The following RC3H2 variants were observed in gnomAD, a reference collection of about 807,000 sequenced individuals.
RC3H2 encodes the protein ring finger and CCCH-type domains 2.
RC3H2 carries 31 observed loss-of-function variants against 133.3 expected under a neutral mutation model. The observed-to-expected ratio is 0.23, with a 90% CI of 0.17 to 0.31. The LOEUF is 0.31. RC3H2 is among the 10% of genes least tolerant of loss of function. The pLI, the probability that RC3H2 is intolerant of heterozygous loss-of-function variation, is 1.00. For missense variants in RC3H2, 1,175 were observed against 1,437.2 expected (o/e 0.82, Z 2.95); for synonymous variants, 517 against 502.2 (o/e 1.03, Z -0.40).
At chr9:122,864,787 AT>A (rs967806641) in intron 10 of RC3H2, among the ~76,000 whole-genome samples, 30 of 149,754 alleles carry the variant, frequency 2.0e-4, no homozygotes, top group African/African-American at 5.9e-4. Context: ...TGCCCGGCTA[AT>A]TTTTTTTTTG....
chr9:122,901,882 C>A (rs1250583047), intron 1 of RC3H2, among the ~76,000 whole-genome samples: 1 of 151,704 alleles, frequency 6.6e-6, no homozygotes, highest in East Asian at 1.9e-4. Flanking sequence ...AGCCTCGGCG[C>A]CCAGTCTCAA....
chr9:122,865,433 G>A lies in RC3H2; in HGVS notation c.1550C>T (p.Ala517Val), dbSNP rs1830604967. 1.2e-6 allele frequency: 2 copies of A among 1,614,210 alleles called. No individual in the cohort carries two copies. The highest frequency in any genetic ancestry group is 2.2e-5 in the East Asian group (1 of 44,886). Residue 517 changes from alanine (A) to valine (V), a missense_variant, in exon 10 of 21, where the codon GCT (alanine) becomes GTT (valine). Coordinates refer to ENST00000357244, the MANE Select transcript of RC3H2 (RefSeq NM_001100588.3). Reference sequence around the variant, plus strand: ...TCCCACTTTCTTCACGGTCTCCAGAGCTCTTAAGGTACTGTCAGTACTACG... The same window carrying A: ...TCCCACTTTCTTCACGGTCTCCAGAACTCTTAAGGTACTGTCAGTACTACG... ...ISRSTDSTLRALETVKKVGKV... is the reference protein window; with the variant it reads ...ISRSTDSTLRVLETVKKVGKV...
At chr9:122,855,979 A>G (rs748748873) in intron 13 of RC3H2, 101 bp from the exon 14 acceptor site, 158 of 857,766 alleles carry the variant, frequency 1.8e-4, no homozygotes, top group Non-Finnish European at 2.3e-4. Flanking sequence ...AGGACTTCAT[A>G]GCAAACAATT....
At chr9:122,866,917 G>A (rs1220066658) in intron 9 of RC3H2, among the ~76,000 whole-genome samples, 5 of 149,494 alleles carry the variant, frequency 3.3e-5, no homozygotes, top group African/African-American at 1.2e-4. Flanking sequence ...TCTGGAAAGT[G>A]AGAAGCGTCT....
chr9:122,895,798 C>T (rs1446738273), intron 2 of RC3H2, among the ~76,000 whole-genome samples: 2 of 152,130 alleles, frequency 1.3e-5, no homozygotes, highest in African/African-American at 2.4e-5. Context: ...TTCATCTCTT[C>T]CTAACTTGTA....
chr9:122,865,725 A>G, intron 9 of RC3H2, 68 bp from the exon 10 acceptor site: 1 of 1,331,578 alleles, frequency 7.5e-7, no homozygotes, highest in Admixed American at 1.9e-5. Context: ...AAAAATGGCA[A>G]TGGGCAATGG....
intron 3 of RC3H2, 58 bp downstream of exon 3, chr9:122,892,851 C>A: frequency 7.3e-7 from 1 of 1,362,390 alleles, no homozygotes. Flanking sequence ...TCAAGTCATT[C>A]AAAGTAAATG....
In RC3H2 at chr9:122,855,403, TA is replaced by T; in HGVS notation, c.2602-7del. 1 of 1,609,666 alleles carries T rather than the reference TA, an allele frequency of 6.2e-7. No homozygotes were observed. Among genetic ancestry groups the T allele is most frequent in the Non-Finnish European group, 8.5e-7 (1 of 1,177,244 alleles). ...ACATCACCACTGTCCAGGTCCTATGTAAACCAAAGAAAATCAATAAAAGGAC... is the reference window on the plus strand; with the variant it reads ...ACATCACCACTGTCCAGGTCCTATGTAACCAAAGAAAATCAATAAAAGGAC... On this transcript the variant is annotated splice_region_variant and splice_polypyrimidine_tract_variant and intron_variant, in intron 14 of 20. Coordinates refer to ENST00000357244, the MANE Select transcript of RC3H2 (RefSeq NM_001100588.3).
At position 122,904,294 on chromosome 9, in the gene RC3H2, A is replaced by G. The variant is rs1832760805; in HGVS notation, c.-68+816T>C. On this transcript the variant is annotated intron_variant, in intron 1 of 20. Coordinates refer to ENST00000357244, the MANE Select transcript of RC3H2 (RefSeq NM_001100588.3). ...TTAGATTTACTTTATGCCAGTGATT[A>G]CTTGAGTCAATTTTGGTGTGAAGGA... Among the ~76,000 whole-genome samples the G allele has an allele frequency of 3.3e-5, 5 of 152,340 alleles. No homozygotes were observed. In the South Asian group the frequency reaches 1.0e-3, roughly 32 times the overall value.
intron 4 of RC3H2, among the ~76,000 whole-genome samples, chr9:122,890,010 C>T (rs528511431): frequency 6.6e-6 from 1 of 151,966 alleles, no homozygotes; most frequent in Non-Finnish European, 1.5e-5. Context: ...GGTATGATGG[C>T]GTGTGCCTGT....
At chr9:122,877,446 A>G (rs772551470) in intron 9 of RC3H2, 25 bp downstream of exon 9, 2 of 1,571,786 alleles carry the variant, frequency 1.3e-6, no homozygotes, top group East Asian at 2.2e-5. Context: ...TTAAACCCAT[A>G]TGAAACAGAA....
At position 122,880,584 on chromosome 9, in the gene RC3H2, T is replaced by G; in HGVS notation, c.960+10A>C. Reference sequence around the variant, plus strand: ...AATGATAGAACATCAGCATCTCTAATTTCACAAACCTTATCAATGATAGAC... The same window carrying G: ...AATGATAGAACATCAGCATCTCTAAGTTCACAAACCTTATCAATGATAGAC... On this transcript the variant is annotated intron_variant, in intron 6 of 20. Coordinates refer to ENST00000357244, the MANE Select transcript of RC3H2 (RefSeq NM_001100588.3). 4 of 1,606,026 alleles carry G rather than the reference T, an allele frequency of 2.5e-6. No individual in the cohort carries two copies. Among genetic ancestry groups the G allele is most frequent in the Non-Finnish European group, 3.4e-6 (4 of 1,172,932 alleles).
chr9:122,882,086 T>G (rs1451002317), intron 5 of RC3H2, among the ~76,000 whole-genome samples: 2 of 152,116 alleles, frequency 1.3e-5, no homozygotes, highest in East Asian at 3.9e-4. Flanking sequence ...AAAAGTCTGT[T>G]GCTTTAAAAA....
chr9:122,881,002 A>G lies in RC3H2; in HGVS notation c.760-208T>C, dbSNP rs559602236. 2.0e-5 allele frequency among the ~76,000 whole-genome samples: 3 copies of G among 152,330 alleles called. No individual in the cohort carries two copies. The South Asian group carries it at 6.2e-4, about 32-fold the overall frequency. Reference sequence around the variant, plus strand: ...ACTAAATACATAATCCTTGCCTTCAATGATTTCAGCCACTAGTAAGAAAGA... The same window carrying G: ...ACTAAATACATAATCCTTGCCTTCAGTGATTTCAGCCACTAGTAAGAAAGA... On this transcript the variant is annotated intron_variant, in intron 5 of 20. Transcript: ENST00000357244.
chr9:122,861,511 AAAAG>A (rs1210463520), intron 10 of RC3H2, among the ~76,000 whole-genome samples: 2 of 5,282 alleles, frequency 3.8e-4, no homozygotes, highest in Non-Finnish European at 8.6e-3. Context: ...AAAAAAAAAG[AAAAG>A]AAAAAAAACC....
chr9:122,854,637 C>T (rs780886916), intron 15 of RC3H2, 22 bp from the exon 16 acceptor site: 4 of 1,546,552 alleles, frequency 2.6e-6, no homozygotes, highest in East Asian at 4.5e-5. Flanking sequence ...TAGAATGAAA[C>T]AATGGTCAAA....
Position 122,891,839 on chromosome 9 carries a change from C to T in RC3H2, c.349+1070G>A, listed in dbSNP as rs769110706. The stretch of plus-strand genomic sequence containing the variant: ...AATTGTTTATTATACCTATGATGTG[C>T]TAAGTATGCAGTGATAAAATTTCAG... On this transcript the variant is annotated intron_variant, in intron 3 of 20. Transcript: ENST00000357244. 1.9e-4 allele frequency among the ~76,000 whole-genome samples: 29 copies of T among 152,156 alleles called. 1 individual carries two copies. The highest frequency in any genetic ancestry group is 4.1e-4 in the Non-Finnish European group (28 of 68,038).
intron 4 of RC3H2, among the ~76,000 whole-genome samples, chr9:122,884,162 A>G (rs1174938254): frequency 2.6e-5 from 4 of 152,026 alleles, no homozygotes; most frequent in Non-Finnish European, 5.9e-5. Context: ...ACGTGGTGGC[A>G]GGCACCTGTA....
intron 2 of RC3H2, among the ~76,000 whole-genome samples, chr9:122,894,442 C>G (rs1832332346): frequency 6.6e-6 from 1 of 152,020 alleles, no homozygotes. Flanking sequence ...AAATTAAAAA[C>G]ATAATAAATT....
Sources: allele counts gnomAD v4.1 joint callset (sites outside exome capture counted in the v4.1 genomes callset), GRCh38; gene constraint gnomAD v4.1.1; transcripts MANE v1.5; gene names NCBI Gene and HGNC (gene_info 2026-07-23, HGNC 2026-07-21).